Variants in RBBP5 observed in about 807,000 individuals in gnomAD.
RBBP5 encodes RB binding protein 5, histone lysine methyltransferase complex subunit.
In RBBP5, 5 loss-of-function variants were observed where a neutral mutation model predicts 72.2. That is an observed-to-expected ratio of 0.07 (90% CI 0.04 to 0.15). The LOEUF is 0.15. Ranked by LOEUF, RBBP5 falls within the 10% of genes least tolerant of loss-of-function variation. The pLI, the probability that RBBP5 is intolerant of heterozygous loss-of-function variation, is 1.00. For synonymous variants in RBBP5, 209 were observed against 237.2 expected (o/e 0.88, Z 1.09); for missense variants, 322 against 652.2 (o/e 0.49, Z 5.51).
chr1:205,106,490 G>A (rs770369025), intron 3 of RBBP5, among the ~76,000 whole-genome samples: 1 of 152,084 alleles, frequency 6.6e-6, no homozygotes, highest in Non-Finnish European at 1.5e-5. Flanking sequence ...CCAGCTACTC[G>A]GGAGGCTTGA....
chr1:205,093,233 G>A (rs10900446), intron 13 of RBBP5, among the ~76,000 whole-genome samples: 54,114 of 150,572 alleles, frequency 0.36, 11,825 homozygotes, highest in East Asian at 0.91. Context: ...GCTGAGGTGG[G>A]TGGATCACTT....
rs111920450 is a variant in RBBP5, at chr1:205,099,458, A to G, written c.978+283T>C. 0.01 allele frequency among the ~76,000 whole-genome samples: 1,561 copies of G among 152,284 alleles called. 23 individuals are homozygous for G. The highest frequency in any genetic ancestry group is 0.036 in the African/African-American group (1,508 of 41,556). ...GATGTAAAACAGAAACTGAGCTGAA[A>G]GTAAGAAAAGCAAAAGAAAAATGTT... On this transcript the variant is annotated intron_variant, in intron 9 of 13. Coordinates refer to ENST00000264515, the MANE Select transcript of RBBP5 (RefSeq NM_005057.4). This position sits in a 1 kb window ranked among gnomAD's most constrained non-coding sequence, Gnocchi z 4.7.
chr1:205,099,863 A>AT lies in RBBP5; in HGVS notation c.906+47dup. On this transcript the variant is annotated intron_variant, in intron 8 of 13. Transcript: ENST00000264515. The surrounding 1 kb of genome is among the most constrained non-coding windows in gnomAD (Gnocchi z 4.7). ...ACAGGTTGTTAAGAACAGATTTTAG[A>AT]TTTTTTGGATTATGTGACTAACAAA... The AT allele has an allele frequency of 1.9e-6, 3 of 1,613,638 alleles. No homozygotes were observed. The highest frequency in any genetic ancestry group is 2.2e-5 in the East Asian group (1 of 44,864).
At chr1:205,090,406 G>A (rs960233265) in intron 13 of RBBP5, among the ~76,000 whole-genome samples, 2 of 152,148 alleles carry the variant, frequency 1.3e-5, no homozygotes, top group Non-Finnish European at 2.9e-5. Flanking sequence ...CCTTATACTG[G>A]AGGGCAGCTC....
chr1:205,099,192 A>T lies in RBBP5; in HGVS notation c.979-86T>A, dbSNP rs1402795171. The T allele has an allele frequency of 1.2e-6, 1 of 818,062 alleles. No individual in the cohort carries two copies. The highest frequency in any genetic ancestry group is 1.8e-5 in the African/African-American group (1 of 56,284). 50.7% of individuals were successfully genotyped at this position (818,062 alleles called of 1,614,324 possible). On this transcript the variant is annotated intron_variant, in intron 9 of 13. Coordinates refer to ENST00000264515, the MANE Select transcript of RBBP5 (RefSeq NM_005057.4). The surrounding 1 kb of genome is among the most constrained non-coding windows in gnomAD (Gnocchi z 4.7). Reference sequence around the variant, plus strand: ...TAATGATAAAATGAAAGATGTGAGCATGAAAGGAATTCACAATTCTTAGAT... The same window carrying T: ...TAATGATAAAATGAAAGATGTGAGCTTGAAAGGAATTCACAATTCTTAGAT...
intron 6 of RBBP5, among the ~76,000 whole-genome samples, chr1:205,101,123 G>C (rs1173302121): frequency 6.6e-6 from 1 of 152,118 alleles, no homozygotes; most frequent in Non-Finnish European, 1.5e-5. Context: ...GTCATGTATG[G>C]GTGTTCCTAA....
rs546699883 is a variant in RBBP5, at chr1:205,099,514, G to A, written c.978+227C>T. ...AAATAAATAATAGAAAAATGCAACAGAAAGTTCAATAGAGTTTCTCCCTGA... is the reference window on the plus strand; with the variant it reads ...AAATAAATAATAGAAAAATGCAACAAAAAGTTCAATAGAGTTTCTCCCTGA... On this transcript the variant is annotated intron_variant, in intron 9 of 13. Transcript: ENST00000264515. The surrounding 1 kb of genome is among the most constrained non-coding windows in gnomAD (Gnocchi z 4.7). 1.4e-3 allele frequency among the ~76,000 whole-genome samples: 217 copies of A among 152,218 alleles called. 3 individuals carry two copies. Among genetic ancestry groups the A allele is most frequent in the African/African-American group, 5.0e-3 (208 of 41,530 alleles).
Position 205,121,877 on chromosome 1 carries a change from T to A in RBBP5, c.-4A>T. 1 of 1,611,328 alleles carries A rather than the reference T, an allele frequency of 6.2e-7. No individual in the cohort carries two copies. Among genetic ancestry groups the A allele is most frequent in the Non-Finnish European group, 8.5e-7 (1 of 1,179,998 alleles). ...CACCCAGCAACTCGAGGTTCATCCC[T>A]GCGGACTGTGGCCGCCCGGTCTCAG... On this transcript the variant is annotated 5_prime_UTR_variant, in exon 1 of 14. Transcript: ENST00000264515.
chr1:205,121,909 C>G lies in RBBP5; in HGVS notation c.-36G>C. ...TGTGGCCGCCCGGTCTCAGCTCCGGCAACAACACCTTCTCCCCGGCCGGCT... is the reference window on the plus strand; with the variant it reads ...TGTGGCCGCCCGGTCTCAGCTCCGGGAACAACACCTTCTCCCCGGCCGGCT... On this transcript the variant is annotated 5_prime_UTR_variant, in exon 1 of 14. Transcript: ENST00000264515. 6.2e-7 allele frequency: 1 copy of G among 1,608,204 alleles called. No individual in the cohort carries two copies. The highest frequency in any genetic ancestry group is 1.1e-5 in the South Asian group (1 of 91,070).
chr1:205,102,726 G>C (rs1160179858), intron 5 of RBBP5, among the ~76,000 whole-genome samples: 2 of 152,148 alleles, frequency 1.3e-5, no homozygotes, highest in Admixed American at 1.3e-4. Context: ...AGGCGCGGTG[G>C]TTCACACCTA....
rs1553352183 is a variant in RBBP5, at chr1:205,093,552, A to ACACACACACACG, written c.1588+1320_1588+1321insCGTGTGTGTGTG. Among the ~76,000 whole-genome samples, 235 of 66,362 alleles carry ACACACACACACG rather than the reference A, an allele frequency of 3.5e-3. 56 individuals are homozygous for ACACACACACACG. Among genetic ancestry groups the ACACACACACACG allele is most frequent in the Non-Finnish European group, 7.2e-3 (163 of 22,644 alleles). The allele number at this position is 66,362 out of a possible 152,430, so 43.5% of individuals were successfully genotyped here. ...TATATATACACACACACACACACACACACACACACACACACACAGCATTAT... is the reference window on the plus strand; with the variant it reads ...TATATATACACACACACACACACACACACACACACACGCACACACACACACACACAGCATTAT... On this transcript the variant is annotated intron_variant, in intron 13 of 13. Coordinates refer to ENST00000264515, the MANE Select transcript of RBBP5 (RefSeq NM_005057.4).
chr1:205,094,790 A>T (rs886714289), intron 13 of RBBP5, 83 bp downstream of exon 13: 27 of 1,374,038 alleles, frequency 2.0e-5, no homozygotes, highest in Admixed American at 9.6e-5. Flanking sequence ...GAGGGGGAAA[A>T]AATGTTGCAG....
At chr1:205,095,930 C>T (rs894319799) in intron 12 of RBBP5, among the ~76,000 whole-genome samples, 27 of 152,266 alleles carry the variant, frequency 1.8e-4, no homozygotes, top group African/African-American at 6.5e-4. Context: ...CAGTGGTTCA[C>T]GCCTGTAATC....
chr1:205,089,416 T>C (rs1405925715), intron 13 of RBBP5, among the ~76,000 whole-genome samples: 1 of 152,192 alleles, frequency 6.6e-6, no homozygotes, highest in African/African-American at 2.4e-5. Context: ...GATTATTCCA[T>C]AGAAGCTGCT....
At chr1:205,092,214 A>G (rs1430237680) in intron 13 of RBBP5, among the ~76,000 whole-genome samples, 1 of 152,126 alleles carries the variant, frequency 6.6e-6, no homozygotes, top group African/African-American at 2.4e-5. Flanking sequence ...CAAAGATCCA[A>G]ACCACTCTGC....
At position 205,121,978 on chromosome 1, in the gene RBBP5, C is replaced by T; in HGVS notation, c.-105G>A. On this transcript the variant is annotated 5_prime_UTR_variant, in exon 1 of 14. Transcript: ENST00000264515. ...GTGGTGGACGCCGCGAAGAGACTGG[C>T]GCAAGCTCCGAAGACTTTCGGCCTT... is the stretch of plus-strand genomic sequence containing the variant. The T allele has an allele frequency of 6.5e-7, 1 of 1,539,284 alleles. No individual in the cohort carries two copies. The highest frequency in any genetic ancestry group is 1.8e-5 in the Admixed American group (1 of 55,280).
intron 1 of RBBP5, among the ~76,000 whole-genome samples, chr1:205,117,706 TGTAA>T (rs1304049223): frequency 6.6e-6 from 1 of 151,900 alleles, no homozygotes; most frequent in Non-Finnish European, 1.5e-5. Flanking sequence ...CAAATGTATG[TGTAA>T]GTGTGTTTAT....
At chr1:205,116,106 C>T in intron 1 of RBBP5, 1 of 825,142 alleles carries the variant, frequency 1.2e-6, no homozygotes, top group Non-Finnish European at 1.8e-6. Context: ...GACTATATGA[C>T]CTGGGATATT....
intron 12 of RBBP5, among the ~76,000 whole-genome samples, chr1:205,095,312 T>A (rs1817001): frequency 6.6e-6 from 1 of 152,154 alleles, no homozygotes; most frequent in Admixed American, 6.5e-5. Flanking sequence ...ACATGCGGCC[T>A]AGGACAGCTT....
Sources: allele counts gnomAD v4.1 joint callset (sites outside exome capture counted in the v4.1 genomes callset), GRCh38; gene constraint gnomAD v4.1.1; non-coding constraint Gnocchi (gnomAD v3.1); transcripts MANE v1.5; gene names NCBI Gene and HGNC (gene_info 2026-07-23, HGNC 2026-07-21).